ATP5MC3: variants seen among roughly 807,000 people sequenced by gnomAD.
The protein encoded by ATP5MC3 is ATP synthase F(0) complex subunit C3, mitochondrial.
In ATP5MC3, 6 loss-of-function variants were observed where a neutral mutation model predicts 15.6. The ratio of observed to expected loss-of-function variants is 0.38; its 90% CI spans 0.21 to 0.76. The LOEUF is 0.76. Ranked by LOEUF, ATP5MC3 falls within the 30% of genes least tolerant of loss-of-function variation. The pLI, the probability that ATP5MC3 is intolerant of heterozygous loss-of-function variation, is 0.44. For missense variants in ATP5MC3, 132 were observed against 171.2 expected (o/e 0.77, Z 1.28); for synonymous variants, 66 against 63.3 (o/e 1.04, Z -0.20).
chr2:175,180,392 T>C (rs1172595400), intron 2 of ATP5MC3, among the ~76,000 whole-genome samples: 1 of 152,210 alleles, frequency 6.6e-6, no homozygotes, highest in African/African-American at 2.4e-5. Context: ...CTACCTTGAA[T>C]AAAATTTCTA....
chr2:175,180,257 G>T, intron 2 of ATP5MC3, 79 bp from the exon 3 acceptor site: 1 of 1,107,046 alleles, frequency 9.0e-7, no homozygotes, highest in Non-Finnish European at 1.2e-6. Context: ...CTGGTACCAT[G>T]AATTCTAAAA....
Position 175,179,270 on chromosome 2 carries a change from G to T in ATP5MC3, c.121-20C>A. 6.3e-7 allele frequency: 1 copy of T among 1,588,416 alleles called. No homozygotes were observed. The highest frequency in any genetic ancestry group is 8.6e-7 in the Non-Finnish European group (1 of 1,162,480). ...AGAGCCCTGGAAAACAGAAAATAAA[G>T]GTAAAGGTCGTATCAGTAACCACAG... On this transcript the variant is annotated intron_variant, in intron 3 of 4. Coordinates refer to ENST00000284727, the MANE Select transcript of ATP5MC3 (RefSeq NM_001689.5).
At position 175,181,400 on chromosome 2, in the gene ATP5MC3, C is replaced by T. The variant is rs1042985; in HGVS notation, c.-7G>A. On this transcript the variant is annotated 5_prime_UTR_variant, in exon 2 of 5. It adds an upstream start codon to the 5' untranslated region. Transcript: ENST00000284727. ...GCTTGGCGCAGGCGAACATCTTACA[C>T]TCTTCGGGACTGCGCGGCTGGAGAT... is the stretch of plus-strand genomic sequence containing the variant. The T allele has an allele frequency of 6.2e-7, 1 of 1,613,582 alleles. No individual in the cohort carries two copies. Among genetic ancestry groups the T allele is most frequent in the African/African-American group, 1.3e-5 (1 of 74,930 alleles).
In ATP5MC3 at chr2:175,181,613, G is replaced by A; in HGVS notation, c.-74+43C>T. The A allele has an allele frequency of 5.3e-6, 3 of 569,056 alleles. 1 individual carries two copies. The highest frequency in any genetic ancestry group is 4.6e-5 in the South Asian group (2 of 43,182). The allele number at this position is 569,056 out of a possible 1,614,324, so 35.3% of individuals were successfully genotyped here. On this transcript the variant is annotated intron_variant, in intron 1 of 4. Coordinates refer to ENST00000284727, the MANE Select transcript of ATP5MC3 (RefSeq NM_001689.5). ...AATGAATGGGTCCCTACTGGGCGCCGCTCCGCCCTGGCCAGGCCGGGCTCC... is the reference window on the plus strand; with the variant it reads ...AATGAATGGGTCCCTACTGGGCGCCACTCCGCCCTGGCCAGGCCGGGCTCC...
Position 175,179,285 on chromosome 2 carries a change from A to G in ATP5MC3, c.121-35T>C, listed in dbSNP as rs775427435. 47 of 1,561,630 alleles carry G rather than the reference A, an allele frequency of 3.0e-5. No individual in the cohort carries two copies. In the South Asian group the frequency reaches 5.4e-4, roughly 18 times the overall value. ...AGAAAATAAAGGTAAAGGTCGTATC[A>G]GTAACCACAGGTAGCTATTTTAATT... On this transcript the variant is annotated intron_variant, in intron 3 of 4. Transcript: ENST00000284727.
At position 175,181,682 on chromosome 2, in the gene ATP5MC3, G is replaced by C; in HGVS notation, c.-100C>G. ...TTCCCAGGAGGCGGCGGCGGCACGG[G>C]CTGCGGCAGAGGTCGAAGGAGTGGG... is the stretch of plus-strand genomic sequence containing the variant. On this transcript the variant is annotated 5_prime_UTR_variant, in exon 1 of 5. Transcript: ENST00000284727. 1 of 477,764 alleles carries C rather than the reference G, an allele frequency of 2.1e-6. No homozygotes were observed. Among genetic ancestry groups the C allele is most frequent in the Non-Finnish European group, 3.7e-6 (1 of 270,396 alleles). The allele number at this position is 477,764 out of a possible 1,614,324, so 29.6% of individuals were successfully genotyped here.
intron 4 of ATP5MC3, 35 bp downstream of exon 4, chr2:175,179,022 A>G (rs1700728663): frequency 6.3e-7 from 1 of 1,597,620 alleles, no homozygotes; most frequent in Non-Finnish European, 8.5e-7. Context: ...TACTGCAAGC[A>G]TGCTCTTAAC....
rs116934836 is a variant in ATP5MC3, at chr2:175,181,275, G to C, written c.39+80C>G. The C allele has an allele frequency of 2.8e-4, 431 of 1,527,552 alleles. 6 individuals carry two copies. In the East Asian group the frequency reaches 9.3e-3, roughly 33 times the overall value. The allele number at this position is 1,527,552 out of a possible 1,614,324, so 94.6% of individuals were successfully genotyped here. A position where few individuals can be genotyped will look rare whatever the true frequency, so the allele number is the denominator to read the frequency against. ...AGAGGGCGGTGTGCCCCGCCCGAAG[G>C]TTGCCCCATTCAACAACGTGGACGC... is the stretch of plus-strand genomic sequence containing the variant. On this transcript the variant is annotated intron_variant, in intron 2 of 4. Coordinates refer to ENST00000284727, the MANE Select transcript of ATP5MC3 (RefSeq NM_001689.5).
rs778171387 is a variant in ATP5MC3 at position 175,180,128 on chromosome 2, T to G, written c.90A>C (p.Leu30Phe). Residue 30 changes from leucine (L) to phenylalanine (F), a missense_variant, in exon 3 of 5, where the codon TTA becomes TTC. Leu to Phe is a conservative substitution (Grantham distance 22). Around this residue, in one of 2 missense-constraint regions of ATP5MC3, gnomAD observed 90 missense variants for 86.2 expected, o/e 1.04. Coordinates refer to ENST00000284727, the MANE Select transcript of ATP5MC3 (RefSeq NM_001689.5). ...VAYRPISASV[L>F]SRPEASRTGE... ...CAGTCCTACTAGCCTCTGGTCGAGA[T>G]AACACTGATGCAGAAATTGGTCTGT... 2 of 1,601,708 alleles carry G rather than the reference T, an allele frequency of 1.2e-6. No homozygotes were observed. Among genetic ancestry groups the G allele is most frequent in the East Asian group, 2.3e-5 (1 of 44,332 alleles).
At position 175,180,173 on chromosome 2, in the gene ATP5MC3, T is replaced by C. The variant is rs1335412945; in HGVS notation, c.45A>G (p.Arg15=). The change falls in exon 3 of 5, where the codon CGA becomes CGG. Residue 15 remains arginine (R), a synonymous_variant. Coordinates refer to ENST00000284727, the MANE Select transcript of ATP5MC3 (RefSeq NM_001689.5). ...GTCTGTATGCAACTCTGGATCCAGCTCGGATCTATTAATGAAAAAAAAATA... is the reference window on the plus strand; with the variant it reads ...GTCTGTATGCAACTCTGGATCCAGCCCGGATCTATTAATGAAAAAAAAATA... ...AKLACTPSLI[R]AGSRVAYRPI... is the part of the protein sequence containing the mutation. 1 of 1,578,298 alleles carries C rather than the reference T, an allele frequency of 6.3e-7. No homozygotes were observed.
Position 175,181,373 on chromosome 2 carries a change from G to A in ATP5MC3, c.21C>T (p.Leu7=). The change falls in exon 2 of 5, where the codon CTC becomes CTT. Residue 7 remains leucine, a synonymous_variant. Transcript: ENST00000284727. The part of the protein sequence containing the change: MFACAK[L]ACTPSLIRAG... ...TACGCACCAGAGAGGGGGTGCAGGCGAGCTTGGCGCAGGCGAACATCTTAC... is the reference window on the plus strand; with the variant it reads ...TACGCACCAGAGAGGGGGTGCAGGCAAGCTTGGCGCAGGCGAACATCTTAC... The A allele has an allele frequency of 6.2e-7, 1 of 1,613,934 alleles. No individual in the cohort carries two copies. Among genetic ancestry groups the A allele is most frequent in the Non-Finnish European group, 8.5e-7 (1 of 1,179,930 alleles).
chr2:175,178,917 G>T, intron 4 of ATP5MC3, 140 bp downstream of exon 4: 1 of 1,319,930 alleles, frequency 7.6e-7, no homozygotes, highest in African/African-American at 1.5e-5. Flanking sequence ...AGAATTAAGT[G>T]AGATAATGCA....
intron 4 of ATP5MC3, 44 bp downstream of exon 4, chr2:175,179,013 A>C (rs1370149557): frequency 6.3e-7 from 1 of 1,588,926 alleles, no homozygotes; most frequent in East Asian, 2.2e-5. Context: ...GTTTCCAACT[A>C]CTGCAAGCAT....
chr2:175,179,161 A>G lies in ATP5MC3; in HGVS notation c.210T>C (p.Asp70=), dbSNP rs770428177. The change falls in exon 4 of 5, where the codon GAT becomes GAC. Residue 70 remains aspartate, a synonymous_variant. Transcript: ENST00000284727. The stretch of plus-strand genomic sequence containing the variant: ...CTGCACCAATAAATTTGGCAGCAGT[A>G]TCAATGTCTCTGCTGATTGCACTGG... The part of the protein sequence containing the change: ...FQTSAISRDI[D]TAAKFIGAGA... The G allele has an allele frequency of 6.2e-6, 10 of 1,614,116 alleles. No individual in the cohort carries two copies. The East Asian group carries it at 1.6e-4, about 25-fold the overall frequency.
chr2:175,179,183 C>G lies in ATP5MC3; in HGVS notation c.188G>C (p.Ser63Thr). ...AGTATCAATGTCTCTGCTGATTGCA[C>G]TGGTCTGAAACTCCCTTTGGATTAG... ...SQLIQREFQT[S>T]AISRDIDTAA... Residue 63 changes from serine to threonine, a missense_variant, in exon 4 of 5, where the codon AGT becomes ACT. Transcript: ENST00000284727. 6.2e-7 allele frequency: 1 copy of G among 1,614,218 alleles called. No homozygotes were observed. Among genetic ancestry groups the G allele is most frequent in the Non-Finnish European group, 8.5e-7 (1 of 1,180,048 alleles).
Position 175,176,627 on chromosome 2 carries a change from C to G in ATP5MC3, c.*1661G>C, listed in dbSNP as rs1273965426. ...AATTTTCATCATCCTAAAAGGAATC[C>G]CCATACGCATTACGCAGTCACTCCC... On this transcript the variant is annotated 3_prime_UTR_variant, in exon 5 of 5. Transcript: ENST00000284727. 1.3e-5 allele frequency: 2 copies of G among 152,110 alleles called. No homozygotes were observed. Among genetic ancestry groups the G allele is most frequent in the Non-Finnish European group, 2.9e-5 (2 of 68,012 alleles). The allele number at this position is 152,110 out of a possible 1,614,324, so 9.4% of individuals were successfully genotyped here.
In ATP5MC3 at chr2:175,181,344, G is replaced by A. The variant is rs760570453; in HGVS notation, c.39+11C>T. The A allele has an allele frequency of 1.5e-5, 24 of 1,613,120 alleles. No individual in the cohort carries two copies. Among genetic ancestry groups the A allele is most frequent in the Admixed American group, 3.3e-5 (2 of 59,894 alleles). ...CCCCTCAATCCCCCCGACCCTGCCTGGGCTACGCACCAGAGAGGGGGTGCA... is the reference window on the plus strand; with the variant it reads ...CCCCTCAATCCCCCCGACCCTGCCTAGGCTACGCACCAGAGAGGGGGTGCA... On this transcript the variant is annotated intron_variant, in intron 2 of 4. Transcript: ENST00000284727.
chr2:175,178,805 A>G, intron 4 of ATP5MC3: 1 of 1,130,570 alleles, frequency 8.8e-7, no homozygotes, highest in Non-Finnish European at 1.1e-6. Flanking sequence ...GTTAAAATTC[A>G]TTTTCTGACA....
intron 3 of ATP5MC3, 90 bp from the exon 4 acceptor site, chr2:175,179,340 T>C: frequency 7.0e-7 from 1 of 1,428,862 alleles, no homozygotes; most frequent in South Asian, 1.6e-5. Flanking sequence ...TGATAACTAC[T>C]TTTTTATTTT....
Sources: allele counts gnomAD v4.1 joint callset (sites outside exome capture counted in the v4.1 genomes callset), GRCh38; gene constraint gnomAD v4.1.1; regional missense constraint gnomAD v4.1.1; transcripts MANE v1.5; gene names NCBI Gene and HGNC (gene_info 2026-07-23, HGNC 2026-07-21).